VRK2: variants seen among roughly 807,000 people sequenced by gnomAD.
VRK2 encodes the protein serine/threonine-protein kinase VRK2.
VRK2 carries 60 observed loss-of-function variants against 57.6 expected under a neutral mutation model. The observed-to-expected ratio is 1.04, with a 90% CI of 0.85 to 1.29. VRK2 has a LOEUF of 1.29. Ranked by LOEUF, VRK2 falls within the 50% of genes most tolerant of loss-of-function variation. VRK2 has a pLI of 0.00. For missense variants in VRK2, 705 were observed against 588.1 expected, an observed-to-expected ratio of 1.20 and a Z score of -2.06; for synonymous variants, 231 against 199.2, an observed-to-expected ratio of 1.16 and a Z score of -1.35.
At chr2:58,079,221 G>A (rs1201432934) in intron 2 of VRK2, among the ~76,000 whole-genome samples, 1 of 151,986 alleles carries the variant, frequency 6.6e-6, no homozygotes, top group African/African-American at 2.4e-5. Context: ...ATGATTTATT[G>A]TATATCATTA....
intron 3 of VRK2, among the ~76,000 whole-genome samples, chr2:58,038,130 T>G (rs1674332969): frequency 6.6e-6 from 1 of 152,216 alleles, no homozygotes; most frequent in East Asian, 1.9e-4. Context: ...AAATCTCATC[T>G]CGAATTGTAA....
intron 7 of VRK2, among the ~76,000 whole-genome samples, chr2:58,097,632 C>A (rs1260469219): frequency 6.6e-6 from 1 of 151,998 alleles, no homozygotes; most frequent in Non-Finnish European, 1.5e-5. Context: ...CAACAGTGGT[C>A]CTGTAAGATT....
At chr2:58,129,996 G>T (rs1678941006) in intron 8 of VRK2, among the ~76,000 whole-genome samples, 1 of 152,174 alleles carries the variant, frequency 6.6e-6, no homozygotes, top group South Asian at 2.1e-4. Flanking sequence ...CTATAATAGT[G>T]AAGTAAAGTT....
chr2:57,965,150 T>C (rs994812433), intron 1 of VRK2, among the ~76,000 whole-genome samples: 4 of 152,188 alleles, frequency 2.6e-5, no homozygotes, highest in African/African-American at 9.6e-5. Flanking sequence ...TAGGATACCT[T>C]GAAAACTGAT....
chr2:57,969,098 G>A (rs192002310), intron 1 of VRK2, among the ~76,000 whole-genome samples: 2 of 152,036 alleles, frequency 1.3e-5, no homozygotes, highest in African/African-American at 2.4e-5. Flanking sequence ...GTCACAGATG[G>A]GGAAATGCTA....
chr2:58,084,249 A>T, intron 3 of VRK2, 111 bp downstream of exon 3: 1 of 1,106,916 alleles, frequency 9.0e-7, no homozygotes, highest in Non-Finnish European at 1.3e-6. Flanking sequence ...CAGTAAACCT[A>T]ATGTTATCAT....
upstream of VRK2, chr2:58,046,716 C>T (rs1006264371): frequency 1.3e-5 from 13 of 985,424 alleles, no homozygotes; most frequent in Non-Finnish European, 1.6e-5. Flanking sequence ...GAGGCCGACG[C>T]AGCTGGAGAG....
At chr2:58,025,181 T>C (rs1342822058) in intron 1 of VRK2, among the ~76,000 whole-genome samples, 1 of 152,180 alleles carries the variant, frequency 6.6e-6, no homozygotes. Flanking sequence ...TTCCAAGATA[T>C]GTGACCTTAG....
intron 1 of VRK2, among the ~76,000 whole-genome samples, chr2:57,980,539 GTC>G (rs1263348098): frequency 1.3e-5 from 2 of 152,106 alleles, no homozygotes; most frequent in East Asian, 3.8e-4. Context: ...TTTTGTAGAT[GTC>G]TCTCAGGGTC....
chr2:57,973,571 G>C (rs1672158867), intron 1 of VRK2, among the ~76,000 whole-genome samples: 1 of 151,652 alleles, frequency 6.6e-6, no homozygotes, highest in African/African-American at 2.4e-5. Context: ...CTCTCAATAA[G>C]ATGAAAGGAA....
rs908155040 is a variant in VRK2, at chr2:58,159,270, A to G, written c.1183-79A>G. 1.2e-5 allele frequency: 13 copies of G among 1,085,056 alleles called. No homozygotes were observed. In the African/African-American group the frequency reaches 1.9e-4, roughly 16 times the overall value. The allele number at this position is 1,085,056 out of a possible 1,614,324, so 67.2% of individuals were successfully genotyped here. A position where few individuals can be genotyped will look rare whatever the true frequency, so the allele number is the denominator to read the frequency against. Reference sequence around the variant, plus strand: ...GATCTTGTATAACATTTTATTTAGCATTCTTACACACTACACAAAATAAAT... The same window carrying G: ...GATCTTGTATAACATTTTATTTAGCGTTCTTACACACTACACAAAATAAAT... On this transcript the variant is annotated intron_variant, in intron 12 of 12. Coordinates refer to ENST00000340157, the MANE Select transcript of VRK2 (RefSeq NM_006296.7).
intron 1 of VRK2, among the ~76,000 whole-genome samples, chr2:58,005,366 G>A (rs1462893387): frequency 6.6e-6 from 1 of 152,088 alleles, no homozygotes; most frequent in African/African-American, 2.4e-5. Flanking sequence ...TATAGAAAGT[G>A]TGTAGATTAA....
intron 2 of VRK2, among the ~76,000 whole-genome samples, chr2:58,079,197 C>T (rs1489466118): frequency 1.3e-5 from 2 of 152,084 alleles, no homozygotes; most frequent in Non-Finnish European, 1.5e-5. Flanking sequence ...TCTCCCAGTA[C>T]TATCAGTAGG....
At chr2:58,139,056 T>C (rs1173579878) in intron 10 of VRK2, among the ~76,000 whole-genome samples, 1 of 152,072 alleles carries the variant, frequency 6.6e-6, no homozygotes, top group South Asian at 2.1e-4. Flanking sequence ...AGATGGCAAC[T>C]CCTCCTCCCA....
chr2:58,068,814 A>G (rs1475595080), intron 2 of VRK2, among the ~76,000 whole-genome samples: 1 of 26,788 alleles, frequency 3.7e-5, no homozygotes, highest in Admixed American at 2.9e-4. Context: ...CCCTCAGGAA[A>G]AAAAAAAAAA....
chr2:58,021,133 T>C (rs1206631614), intron 1 of VRK2, among the ~76,000 whole-genome samples: 1 of 152,210 alleles, frequency 6.6e-6, no homozygotes, highest in African/African-American at 2.4e-5. Flanking sequence ...TATGAAAACA[T>C]CTTCAACTAC....
At chr2:58,046,943 G>T (rs1195098851) in intron 1 of VRK2, 75 bp downstream of exon 1, 23 of 985,458 alleles carry the variant, frequency 2.3e-5, no homozygotes, top group Non-Finnish European at 2.7e-5. Flanking sequence ...GGCCCCGCTC[G>T]GAAAAGGGCT....
chr2:58,034,727 T>C (rs1674219303), intron 3 of VRK2, among the ~76,000 whole-genome samples: 1 of 151,686 alleles, frequency 6.6e-6, no homozygotes, highest in Non-Finnish European at 1.5e-5. Context: ...TCTTCATTCC[T>C]CAAGGCAGTG....
At chr2:57,980,189 C>G (rs1272479027) in intron 1 of VRK2, among the ~76,000 whole-genome samples, 1 of 152,150 alleles carries the variant, frequency 6.6e-6, no homozygotes, top group African/African-American at 2.4e-5. Context: ...AAACTTTTAT[C>G]TTAACACTGC....
Sources: allele counts gnomAD v4.1 joint callset (sites outside exome capture counted in the v4.1 genomes callset), GRCh38; gene constraint gnomAD v4.1.1; transcripts MANE v1.5; gene names NCBI Gene and HGNC (gene_info 2026-07-23, HGNC 2026-07-21).